Variants in RIMS1 observed in about 807,000 individuals in gnomAD.
The protein encoded by RIMS1 is regulating synaptic membrane exocytosis protein 1.
Under a neutral mutation model 214.1 loss-of-function variants are expected in RIMS1, and 83 were observed. The ratio of observed to expected loss-of-function variants is 0.39; its 90% confidence interval spans 0.32 to 0.47. RIMS1 has a LOEUF of 0.47. Among genes scored for constraint, RIMS1 ranks in the 20% least tolerant of loss-of-function variants. RIMS1 has a pLI of 0.99. For synonymous variants in RIMS1, 793 were observed against 786.8 expected, an observed-to-expected ratio of 1.01 and a Z score of -0.13; for missense variants, 2,050 against 2,161.8, an observed-to-expected ratio of 0.95 and a Z score of 1.03.
chr6:72,109,580 C>A (rs1444060505), intron 4 of RIMS1, among the ~76,000 whole-genome samples: 1 of 150,664 alleles, frequency 6.6e-6, no homozygotes, highest in Admixed American at 6.6e-5. Context: ...TGTTTGAGTT[C>A]ATTGTAGATT....
chr6:71,970,792 T>C (rs1422854686), intron 2 of RIMS1, among the ~76,000 whole-genome samples: 2 of 152,226 alleles, frequency 1.3e-5, no homozygotes, highest in Non-Finnish European at 2.9e-5. Flanking sequence ...TAAAGTTTGC[T>C]TTCATTCCTT....
intron 4 of RIMS1, among the ~76,000 whole-genome samples, chr6:72,124,272 C>A (rs1031226675): frequency 6.6e-6 from 1 of 151,768 alleles, no homozygotes; most frequent in African/African-American, 2.4e-5. Flanking sequence ...GTTGAAAATT[C>A]TTTTCTTTAA....
intron 29 of RIMS1, among the ~76,000 whole-genome samples, chr6:72,386,214 TAA>T (rs1261882749): frequency 6.6e-6 from 1 of 152,254 alleles, no homozygotes; most frequent in African/African-American, 2.4e-5. Context: ...TACAAATGAA[TAA>T]AGATTATTCA....
At chr6:72,086,095 G>A (rs972229112) in intron 2 of RIMS1, among the ~76,000 whole-genome samples, 2 of 152,148 alleles carry the variant, frequency 1.3e-5, no homozygotes, top group South Asian at 4.1e-4. Flanking sequence ...TAAGAAAAGT[G>A]CTTAAGCGAA....
At chr6:72,093,509 A>C (rs1242007993) in intron 2 of RIMS1, among the ~76,000 whole-genome samples, 2 of 151,136 alleles carry the variant, frequency 1.3e-5, no homozygotes, top group African/African-American at 2.4e-5. Context: ...TCTTTTTTCT[A>C]TCCTTTTATT....
At position 72,274,441 on chromosome 6, in the gene RIMS1, C is replaced by G; in HGVS notation, c.3482+9C>G. 1.2e-6 allele frequency: 2 copies of G among 1,604,878 alleles called. No homozygotes were observed. Among genetic ancestry groups the G allele is most frequent in the South Asian group, 2.2e-5 (2 of 90,798 alleles). ...TCTCCGGAGAATGACAGGTACTAGT[C>G]AACTCCTCCTCACAGACAAGTGGCT... On this transcript the variant is annotated intron_variant, in intron 23 of 33. Coordinates refer to ENST00000521978, the MANE Select transcript of RIMS1 (RefSeq NM_014989.7).
chr6:72,006,824 G>T (rs139748556), intron 2 of RIMS1, among the ~76,000 whole-genome samples: 3 of 152,198 alleles, frequency 2.0e-5, no homozygotes, highest in Non-Finnish European at 2.9e-5. Flanking sequence ...CAAAGCGGCC[G>T]GGAAGCTCGA....
intron 4 of RIMS1, among the ~76,000 whole-genome samples, chr6:72,134,544 A>T (rs2040960256): frequency 6.6e-6 from 1 of 152,094 alleles, no homozygotes; most frequent in African/African-American, 2.4e-5. Flanking sequence ...TTCTCTACTC[A>T]TGAGTTTCGT....
chr6:72,304,212 G>A (rs569908555), intron 26 of RIMS1, among the ~76,000 whole-genome samples: 1 of 151,620 alleles, frequency 6.6e-6, no homozygotes, highest in East Asian at 1.9e-4. Flanking sequence ...CATTCAGAAT[G>A]TTCCTAAAAT....
chr6:72,388,602 G>A (rs1043576623), intron 29 of RIMS1, among the ~76,000 whole-genome samples: 4 of 152,192 alleles, frequency 2.6e-5, no homozygotes, highest in Non-Finnish European at 4.4e-5. Context: ...CTAGCTGTAC[G>A]GGTATGGCAC....
At position 72,261,208 on chromosome 6, in the gene RIMS1, T is replaced by A. The variant is rs9446611; in HGVS notation, c.3116+441T>A. The A allele has an allele frequency of 2.6e-3, 2,672 of 1,015,112 alleles. 61 individuals carry two copies. The African/African-American group carries it at 0.044, about 17-fold the overall frequency. 62.9% of individuals were successfully genotyped at this position (1,015,112 alleles called of 1,614,324 possible). On this transcript the variant is annotated intron_variant, in intron 19 of 33. Coordinates refer to ENST00000521978, the MANE Select transcript of RIMS1 (RefSeq NM_014989.7). The stretch of plus-strand genomic sequence containing the variant: ...TTTTTAATTTCCTTTTAGAATTTAT[T>A]GTTGTTTATATTCTGTTTGCTTTTG...
chr6:71,971,568 C>G (rs1244122683), intron 2 of RIMS1, among the ~76,000 whole-genome samples: 1 of 152,084 alleles, frequency 6.6e-6, no homozygotes, highest in Non-Finnish European at 1.5e-5. Context: ...GTGTATTAGC[C>G]TGTTTTCATG....
chr6:72,339,693 A>G (rs1305368869), intron 29 of RIMS1, among the ~76,000 whole-genome samples: 1 of 152,036 alleles, frequency 6.6e-6, no homozygotes, highest in African/African-American at 2.4e-5. Flanking sequence ...ATTGTTGGAC[A>G]TTTGGGTTGG....
At chr6:71,894,320 C>T (rs1562136831) in intron 1 of RIMS1, among the ~76,000 whole-genome samples, 1 of 152,050 alleles carries the variant, frequency 6.6e-6, no homozygotes, top group East Asian at 1.9e-4. Flanking sequence ...GTGGAGTGCA[C>T]CTGTAATCCC....
At chr6:72,293,344 C>T (rs2093671536) in intron 26 of RIMS1, among the ~76,000 whole-genome samples, 1 of 151,890 alleles carries the variant, frequency 6.6e-6, no homozygotes, top group Non-Finnish European at 1.5e-5. Flanking sequence ...TATTCATTGA[C>T]ATGTTTAACA....
chr6:71,997,259 A>G (rs920415598), intron 2 of RIMS1, among the ~76,000 whole-genome samples: 3 of 152,214 alleles, frequency 2.0e-5, no homozygotes, highest in African/African-American at 4.8e-5. Flanking sequence ...TTTCAAATTT[A>G]GCTTCATTTT....
At chr6:72,228,022 A>T (rs1346955301) in intron 6 of RIMS1, among the ~76,000 whole-genome samples, 1 of 151,966 alleles carries the variant, frequency 6.6e-6, no homozygotes, top group African/African-American at 2.4e-5. Context: ...AAAACTGTGC[A>T]TATTTATTGT....
chr6:72,163,604 C>G (rs934061915), intron 4 of RIMS1, among the ~76,000 whole-genome samples: 10 of 141,048 alleles, frequency 7.1e-5, no homozygotes, highest in South Asian at 2.4e-4. Flanking sequence ...TTTTAGCAGG[C>G]AAGACCCTCA....
At chr6:71,913,192 T>A (rs1777425917) in intron 1 of RIMS1, among the ~76,000 whole-genome samples, 1 of 152,184 alleles carries the variant, frequency 6.6e-6, no homozygotes, top group South Asian at 2.1e-4. Flanking sequence ...AAATATTTTA[T>A]CATTAAAATT....
Sources: gnomAD v4.1 joint callset for allele counts (sites outside exome capture counted in the v4.1 genomes callset) on GRCh38, gnomAD v4.1.1 for gene constraint, MANE v1.5 for transcripts, NCBI Gene and HGNC (gene_info 2026-07-23, HGNC 2026-07-21) for gene names.